PGAP6: variants seen among roughly 807,000 people sequenced by gnomAD.
The protein encoded by PGAP6 is post-GPI attachment to proteins 6, also known as post-GPI attachment to proteins factor 6.
In PGAP6, 62 loss-of-function variants were observed where a neutral mutation model predicts 68.4. The observed-to-expected ratio is 0.91, with a 90% confidence interval of 0.74 to 1.12. The LOEUF is 1.12. PGAP6 is among the 50% of genes most tolerant of loss of function. The pLI is 0.00. For missense variants in PGAP6, 1,188 were observed against 1,068.5 expected (o/e 1.11, Z -1.56); for synonymous variants, 575 against 474.0 (o/e 1.21, Z -2.77).
chr16:377,406 G>T lies in PGAP6; in HGVS notation c.479C>A (p.Pro160His). 2 of 1,605,416 alleles carry T rather than the reference G, an allele frequency of 1.2e-6. No homozygotes were observed. Among genetic ancestry groups the T allele is most frequent in the Non-Finnish European group, 1.7e-6 (2 of 1,175,982 alleles). The stretch of plus-strand genomic sequence containing the variant: ...CAACTCGATCTTCTGGGATGAGGGG[G>T]GCAGGTGGGCGGCCACGAACCAGTC... Reference protein sequence around the residue: ...PGDWFVAAHLPPSSQKIELKG... With the variant: ...PGDWFVAAHLHPSSQKIELKG... The change falls in exon 3 of 13, where the codon CCC (proline) becomes CAC (histidine). Residue 160 changes from proline to histidine, a missense_variant. Pro to His is a moderately conservative substitution (Grantham distance 77, BLOSUM62 -2). Coordinates refer to ENST00000431232, the MANE Select transcript of PGAP6 (RefSeq NM_021259.3).
chr16:379,004 G>A (rs2054416446), intron 1 of PGAP6, among the ~76,000 whole-genome samples: 1 of 152,100 alleles, frequency 6.6e-6, no homozygotes, highest in Non-Finnish European at 1.5e-5. Flanking sequence ...GTGCCCTTGC[G>A]ACCTTGGGCA....
chr16:374,621 G>T, intron 9 of PGAP6, 135 bp downstream of exon 9: 2 of 1,279,638 alleles, frequency 1.6e-6, no homozygotes, highest in Non-Finnish European at 2.1e-6. Flanking sequence ...GAGTGGGGAG[G>T]AGGCTTTGCC....
chr16:372,188 G>A lies in PGAP6; in HGVS notation c.2115C>T (p.Gly705=). 1.2e-6 allele frequency: 2 copies of A among 1,612,834 alleles called. No individual in the cohort carries two copies. The highest frequency in any genetic ancestry group is 1.7e-6 in the Non-Finnish European group (2 of 1,179,958). Residue 705 remains glycine (G), a synonymous_variant, in exon 13 of 13, where the codon GGC becomes GGT. Coordinates refer to ENST00000431232, the MANE Select transcript of PGAP6 (RefSeq NM_021259.3). ...TCATCATGGAGGTGTAGATGGCGAT[G>A]CCCACAGAGGCCATAGAGACGCCGG... ...LLPGVSMASV[G]IAIYTSMMTS...
intron 11 of PGAP6, 114 bp from the exon 12 acceptor site, chr16:372,841 C>T: frequency 1.4e-6 from 1 of 718,040 alleles, no homozygotes; most frequent in East Asian, 2.7e-5. Context: ...GGAGCTGCTG[C>T]CACCCTCAGA....
chr16:377,572 CG>C lies in PGAP6; in HGVS notation c.312del (p.Gly105AlafsTer29). On this transcript the variant is annotated frameshift_variant, in exon 3 of 13. Transcript: ENST00000431232. LOFTEE classifies it high-confidence loss of function. ...AGCGGGTTGATGACCGGAGGGGCGC[CG>C]GAACGGAAGTGCCTGGAGACGGGAG... ...TDAEITVHFR[S>X]GAPPVINPLG... 3 of 1,577,974 alleles carry C rather than the reference CG, an allele frequency of 1.9e-6. No homozygotes were observed. The highest frequency in any genetic ancestry group is 1.7e-6 in the Non-Finnish European group (2 of 1,162,450).
At chr16:374,702 C>A in intron 9 of PGAP6, 54 bp downstream of exon 9, 1 of 1,603,280 alleles carries the variant, frequency 6.2e-7, no homozygotes, top group Admixed American at 1.7e-5. Context: ...CACAGCACAG[C>A]ACTGGAAGCC....
intron 8 of PGAP6, 100 bp downstream of exon 8, chr16:375,032 TA>T: frequency 6.3e-7 from 1 of 1,575,872 alleles, no homozygotes; most frequent in Admixed American, 1.7e-5. Flanking sequence ...AGCACCCCTC[TA>T]GCTGGGTCAC....
At chr16:373,555 G>T (rs1573733) in intron 11 of PGAP6, among the ~76,000 whole-genome samples, 6 of 152,026 alleles carry the variant, frequency 3.9e-5, no homozygotes, top group African/African-American at 1.5e-4. Flanking sequence ...AAGACATGAG[G>T]TTTCTTTTCT....
upstream of PGAP6, among the ~76,000 whole-genome samples, chr16:383,603 C>G (rs138357746): frequency 8.2e-3 from 1,251 of 152,320 alleles, 7 homozygotes; most frequent in Middle Eastern, 0.027. Context: ...AATGGTCCAC[C>G]AGGTGCAGCA....
chr16:379,308 G>T (rs946442282), intron 1 of PGAP6, among the ~76,000 whole-genome samples: 2 of 152,200 alleles, frequency 1.3e-5, no homozygotes, highest in Admixed American at 1.3e-4. Context: ...TCCCATAGAG[G>T]CACCAGAAGA....
In PGAP6 at chr16:374,124, C is replaced by T; in HGVS notation, c.1783G>A (p.Glu595Lys). 1 of 1,611,268 alleles carries T rather than the reference C, an allele frequency of 6.2e-7. No individual in the cohort carries two copies. Among genetic ancestry groups the T allele is most frequent in the African/African-American group, 1.3e-5 (1 of 75,062 alleles). ...TFYHACDQPG[E>K]AVLCILSYDT... Reference sequence around the variant, plus strand: ...TAGCTGAGGATGCACAGCACCGCCTCCCCGGGCTGGTCGCAGGCGTGGTAG... The same window carrying T: ...TAGCTGAGGATGCACAGCACCGCCTTCCCGGGCTGGTCGCAGGCGTGGTAG... Residue 595 changes from glutamate to lysine, a missense_variant, in exon 11 of 13, where the codon GAG becomes AAG. Glu to Lys is a moderately conservative substitution (Grantham distance 56, BLOSUM62 1). Coordinates refer to ENST00000431232, the MANE Select transcript of PGAP6 (RefSeq NM_021259.3).
intron 1 of PGAP6, among the ~76,000 whole-genome samples, chr16:378,243 C>CACTGCCATCGCCACTCTG (rs2054406035): frequency 1.1e-5 from 1 of 87,886 alleles, no homozygotes; most frequent in African/African-American, 4.8e-5. Context: ...TCGCCACCCG[C>CACTGCCATCGCCACTCTG]ACTGCCATCC....
At chr16:380,214 A>G (rs896418631) in intron 1 of PGAP6, among the ~76,000 whole-genome samples, 6 of 152,100 alleles carry the variant, frequency 3.9e-5, no homozygotes, top group African/African-American at 1.4e-4. Flanking sequence ...CCAGTTTCCA[A>G]CGGAGTAAGG....
chr16:376,624 TC>T lies in PGAP6; in HGVS notation c.823del (p.Asp275ThrfsTer6). The T allele has an allele frequency of 6.2e-7, 1 of 1,601,184 alleles. No homozygotes were observed. The highest frequency in any genetic ancestry group is 8.5e-7 in the Non-Finnish European group (1 of 1,173,438). Reference protein sequence around the residue: ...CRLLLPSPPWDRWLQVTAESL... With the variant: ...CRLLLPSPPWXRWLQVTAESL... ...CTCAGCTGTCACTTGCAGCCACCGG[TC>T]CCAGGGCGGTGAGGGCAGCAGCAGG... On this transcript the variant is annotated frameshift_variant, in exon 5 of 13. Coordinates refer to ENST00000431232, the MANE Select transcript of PGAP6 (RefSeq NM_021259.3). LOFTEE classifies it high-confidence loss of function.
Position 372,702 on chromosome 16 carries a change from A to C in PGAP6, c.1928T>G (p.Val643Gly). The change falls in exon 12 of 13, where the codon GTC (valine) becomes GGC (glycine). Residue 643 changes from valine (V) to glycine (G), a missense_variant. Val to Gly is a moderately radical substitution (Grantham distance 109). Coordinates refer to ENST00000431232, the MANE Select transcript of PGAP6 (RefSeq NM_021259.3). ...GTCCAGCTGCAAGGACATGGCGATG[A>C]CCAGTGTACCCAGAAGAAACAGCAC... ...KYVLFLLGTL[V>G]IAMSLQLDRR... is the part of the protein sequence containing the mutation. 7.4e-6 allele frequency: 12 copies of C among 1,611,940 alleles called. No individual in the cohort carries two copies. Among genetic ancestry groups the C allele is most frequent in the Non-Finnish European group, 1.0e-5 (12 of 1,179,490 alleles).
chr16:385,495 T>G (rs1463217980), upstream of PGAP6, among the ~76,000 whole-genome samples: 2 of 149,496 alleles, frequency 1.3e-5, no homozygotes, highest in Non-Finnish European at 3.0e-5. Context: ...TTGTTTTTAG[T>G]AGAGATGGGA....
At chr16:376,018 T>C (rs1271795346) in intron 6 of PGAP6, 118 bp downstream of exon 6, 19 of 1,081,926 alleles carry the variant, frequency 1.8e-5, no homozygotes, top group Non-Finnish European at 2.5e-5. Context: ...TCTTGGCCCG[T>C]GCCTGCTGGT....
At chr16:374,986 G>A in intron 8 of PGAP6, 94 bp from the exon 9 acceptor site, 1 of 1,587,092 alleles carries the variant, frequency 6.3e-7, no homozygotes, top group Non-Finnish European at 8.6e-7. Context: ...TGAGAACGCA[G>A]CATTAGGGCC....
At position 376,205 on chromosome 16, in the gene PGAP6, C is replaced by A. The variant is rs748094098; in HGVS notation, c.1155G>T (p.Val385=). The A allele has an allele frequency of 3.1e-6, 5 of 1,612,670 alleles. No homozygotes were observed. The highest frequency in any genetic ancestry group is 4.2e-6 in the Non-Finnish European group (5 of 1,179,964). Residue 385 remains valine (V), a synonymous_variant, in exon 6 of 13, where the codon GTG becomes GTT. Transcript: ENST00000431232. ...SVRVCSDTPS[V]MRLRLNTGMD... ...TGCCGGTGTTCAGGCGCAGCCGCAT[C>A]ACGGAGGGCGTGTCCGAACACACCC...
Sources: allele counts gnomAD v4.1 joint callset (sites outside exome capture counted in the v4.1 genomes callset), GRCh38; gene constraint gnomAD v4.1.1; transcripts MANE v1.5; gene names NCBI Gene and HGNC (gene_info 2026-07-23, HGNC 2026-07-21).